The following FMNL1 variants were observed in gnomAD, a reference collection of about 807,000 sequenced individuals.
The protein encoded by FMNL1 is formin like 1.
In FMNL1, 43 loss-of-function variants were observed where a neutral mutation model predicts 121.3. The ratio of observed to expected loss-of-function variants is 0.35; its 90% CI spans 0.28 to 0.46. The LOEUF (loss-of-function observed/expected upper bound fraction) is 0.46. Ranked by LOEUF, FMNL1 falls within the 20% of genes least tolerant of loss-of-function variation. FMNL1 has a pLI of 1.00. For missense variants in FMNL1, 1,191 were observed against 1,482.4 expected (o/e 0.80, Z 3.23); for synonymous variants, 613 against 613.5 (o/e 1.00, Z 0.01).
Position 45,233,310 on chromosome 17 carries a change from T to C in FMNL1, c.401+13T>C. The C allele has an allele frequency of 1.3e-6, 2 of 1,554,496 alleles. No homozygotes were observed. The highest frequency in any genetic ancestry group is 1.7e-6 in the Non-Finnish European group (2 of 1,149,412). ...CCAACCACATTGGGTGAGTGAGGGC[T>C]CAGATCTTCCTCTCTGGGCCTAGGA... is the stretch of plus-strand genomic sequence containing the variant. On this transcript the variant is annotated intron_variant, in intron 4 of 26. Transcript: ENST00000331495. The surrounding 1 kb of genome is among the most constrained non-coding windows in gnomAD (Gnocchi z 4.1).
chr17:45,222,134 G>A lies in FMNL1; in HGVS notation c.10G>A (p.Ala4Thr), dbSNP rs886083105. The change falls in exon 1 of 27, where the codon GCG becomes ACG. Residue 4 changes from alanine to threonine, a missense_variant. Physicochemically the swap from Ala to Thr is moderately conservative, Grantham distance 58. Around this residue, in one of 4 missense-constraint regions of FMNL1, gnomAD observed 52 missense variants for 43.4 expected, o/e 1.20. Coordinates refer to ENST00000331495, the MANE Select transcript of FMNL1 (RefSeq NM_005892.4). ...CTGGGTGGGGACCACCATGGGCAAC[G>A]CGGCCGGCAGCGCCGAGCAGCCCGC... is the stretch of plus-strand genomic sequence containing the variant. The part of the protein sequence containing the change: MGN[A>T]AGSAEQPAGP... 1.8e-5 allele frequency: 21 copies of A among 1,174,888 alleles called. No homozygotes were observed. The highest frequency in any genetic ancestry group is 1.1e-4 in the African/African-American group (7 of 61,486). The allele number at this position is 1,174,888 out of a possible 1,614,324, so 72.8% of individuals were successfully genotyped here.
rs1287835959 is a variant in FMNL1, at chr17:45,233,112, C to A, written c.328-112C>A. 1.9e-6 allele frequency: 2 copies of A among 1,044,288 alleles called. No individual in the cohort carries two copies. Among genetic ancestry groups the A allele is most frequent in the Non-Finnish European group, 2.9e-6 (2 of 689,770 alleles). 64.7% of individuals were successfully genotyped at this position (1,044,288 alleles called of 1,614,324 possible). ...GGTGGGGGAGGCTGAGCATGAAAGG[C>A]CACTTGTGCCAGTTGGAGGAGGGTG... On this transcript the variant is annotated intron_variant, in intron 3 of 26. Transcript: ENST00000331495. This position sits in a 1 kb window ranked among gnomAD's most constrained non-coding sequence, Gnocchi z 4.1.
intron 2 of FMNL1, 114 bp downstream of exon 2, chr17:45,230,801 T>A: frequency 8.7e-7 from 1 of 1,152,222 alleles, no homozygotes; most frequent in Non-Finnish European, 1.2e-6. Flanking sequence ...GAGCCAAGAC[T>A]CTGCTCAGTG....
At position 45,233,142 on chromosome 17, in the gene FMNL1, C is replaced by T; in HGVS notation, c.328-82C>T. On this transcript the variant is annotated intron_variant, in intron 3 of 26. Transcript: ENST00000331495. The surrounding 1 kb of genome is among the most constrained non-coding windows in gnomAD (Gnocchi z 4.1). ...TGTGCCAGTTGGAGGAGGGTGGGCGCTGCTGCCTGCTGCCTCAGGACTTGG... is the reference window on the plus strand; with the variant it reads ...TGTGCCAGTTGGAGGAGGGTGGGCGTTGCTGCCTGCTGCCTCAGGACTTGG... The T allele has an allele frequency of 2.1e-6, 3 of 1,428,320 alleles. No individual in the cohort carries two copies. The highest frequency in any genetic ancestry group is 2.9e-6 in the Non-Finnish European group (3 of 1,036,352). The allele number at this position is 1,428,320 out of a possible 1,614,324, so 88.5% of individuals were successfully genotyped here.
Position 45,232,393 on chromosome 17 carries a change from C to G in FMNL1, c.240C>G (p.Pro80=). 3.1e-6 allele frequency: 5 copies of G among 1,613,790 alleles called. No homozygotes were observed. Among genetic ancestry groups the G allele is most frequent in the Non-Finnish European group, 3.4e-6 (4 of 1,179,898 alleles). ...DQERFQVKNP[P]AAYIQKLKSY... is the part of the protein sequence containing the mutation. The stretch of plus-strand genomic sequence containing the variant: ...AGCGGTTTCAAGTCAAGAATCCCCC[C>G]GCAGCCTACATCCAGAAGCTGAAGA... Residue 80 remains proline (P), a synonymous_variant, in exon 3 of 27, where the codon CCC becomes CCG. Coordinates refer to ENST00000331495, the MANE Select transcript of FMNL1 (RefSeq NM_005892.4).
At position 45,233,290 on chromosome 17, in the gene FMNL1, C is replaced by T. The variant is rs1170710748; in HGVS notation, c.394C>T (p.His132Tyr). 1.3e-6 allele frequency: 2 copies of T among 1,559,534 alleles called. No individual in the cohort carries two copies. The highest frequency in any genetic ancestry group is 2.7e-5 in the African/African-American group (2 of 73,810). The change falls in exon 4 of 27, where the codon CAC (histidine) becomes TAC (tyrosine). Residue 132 changes from histidine to tyrosine, a missense_variant. By Grantham distance (83) the His-to-Tyr change is moderately conservative. Around this residue, in one of 4 missense-constraint regions of FMNL1, gnomAD observed 253 missense variants for 417.5 expected, o/e 0.61. Transcript: ENST00000331495. This position sits in a 1 kb window ranked among gnomAD's most constrained non-coding sequence, Gnocchi z 4.1. ...RELETSLRTN[H>Y]IGWVQEFLNE... ...GCTGGAGACCTCCCTGAGGACCAAC[C>T]ACATTGGGTGAGTGAGGGCTCAGAT...
At chr17:45,246,436 G>A (rs1411268868) in intron 25 of FMNL1, 69 bp from the exon 26 acceptor site, 1 of 1,613,086 alleles carries the variant, frequency 6.2e-7, no homozygotes, top group Non-Finnish European at 8.5e-7. Context: ...ACTGCTTCTT[G>A]CTACCTTTTC....
chr17:45,246,536 C>T lies in FMNL1; in HGVS notation c.3243C>T (p.Thr1081=), dbSNP rs373728196. ...VIKTVPFTAR[T]GKRTSRLLCE... is the part of the protein sequence containing the mutation. ...AGACGGTGCCCTTCACGGCCCGCAC[C>T]GGCAAGCGGACATCCCGGCTCCTCT... Residue 1081 remains threonine (T), a synonymous_variant, in exon 26 of 27, where the codon ACC becomes ACT. Coordinates refer to ENST00000331495, the MANE Select transcript of FMNL1 (RefSeq NM_005892.4). 27 of 1,613,794 alleles carry T rather than the reference C, an allele frequency of 1.7e-5. No homozygotes were observed. The Middle Eastern group carries it at 6.6e-4, about 39-fold the overall frequency.
Position 45,244,814 on chromosome 17 carries a change from C to G in FMNL1, c.2518-5C>G, listed in dbSNP as rs1184666347. The G allele has an allele frequency of 1.9e-6, 3 of 1,609,616 alleles. No homozygotes were observed. Among genetic ancestry groups the G allele is most frequent in the African/African-American group, 1.3e-5 (1 of 74,738 alleles). On this transcript the variant is annotated splice_polypyrimidine_tract_variant and splice_region_variant and intron_variant, in intron 19 of 26. Coordinates refer to ENST00000331495, the MANE Select transcript of FMNL1 (RefSeq NM_005892.4). ...TCTGCTGAGCCTTTCTCCTGCCTCTCCCAGATTGTCCTGGCCTTTGGCAAC... is the reference window on the plus strand; with the variant it reads ...TCTGCTGAGCCTTTCTCCTGCCTCTGCCAGATTGTCCTGGCCTTTGGCAAC...
At position 45,241,252 on chromosome 17, in the gene FMNL1, G is replaced by C; in HGVS notation, c.1332+22G>C. The C allele has an allele frequency of 6.2e-7, 1 of 1,613,822 alleles. No individual in the cohort carries two copies. The highest frequency in any genetic ancestry group is 8.5e-7 in the Non-Finnish European group (1 of 1,179,918). Reference sequence around the variant, plus strand: ...GCGGGTGAGGCTGGGGCGGGTGGTAGGCCAGGCGCCCAAGAACAGGCCAGC... The same window carrying C: ...GCGGGTGAGGCTGGGGCGGGTGGTACGCCAGGCGCCCAAGAACAGGCCAGC... On this transcript the variant is annotated intron_variant, in intron 13 of 26. Coordinates refer to ENST00000331495, the MANE Select transcript of FMNL1 (RefSeq NM_005892.4). The surrounding 1 kb of genome is among the most constrained non-coding windows in gnomAD (Gnocchi z 7.0).
intron 1 of FMNL1, among the ~76,000 whole-genome samples, chr17:45,223,047 T>G (rs1300607974): frequency 6.6e-6 from 1 of 151,860 alleles, no homozygotes; most frequent in Non-Finnish European, 1.5e-5. Context: ...CAGAGCAGAC[T>G]CAGGGGTCTC....
chr17:45,246,202 C>A lies in FMNL1; in HGVS notation c.3091-8C>A, dbSNP rs545433512. ...CATCCTGGAGCTGGAGCTATAAATTCCCCCTAGTCACCGCCAAAGGCCCGG... is the reference window on the plus strand; with the variant it reads ...CATCCTGGAGCTGGAGCTATAAATTACCCCTAGTCACCGCCAAAGGCCCGG... On this transcript the variant is annotated splice_region_variant and splice_polypyrimidine_tract_variant and intron_variant, in intron 24 of 26. Coordinates refer to ENST00000331495, the MANE Select transcript of FMNL1 (RefSeq NM_005892.4). 3.7e-6 allele frequency: 6 copies of A among 1,601,676 alleles called. No homozygotes were observed. In the Admixed American group the frequency reaches 8.5e-5, roughly 23 times the overall value.
intron 1 of FMNL1, among the ~76,000 whole-genome samples, chr17:45,225,850 G>A (rs534322633): frequency 3.0e-4 from 45 of 152,286 alleles, no homozygotes; most frequent in African/African-American, 9.9e-4. Flanking sequence ...CCTGTAAAAA[G>A]AGAATAATAA....
At chr17:45,244,364 GAGA>G in intron 19 of FMNL1, 120 bp downstream of exon 19, 4 of 1,275,098 alleles carry the variant, frequency 3.1e-6, no homozygotes, top group Non-Finnish European at 4.4e-6. Context: ...TGTACATGCT[GAGA>G]AGGACAAATC....
intron 24 of FMNL1, 39 bp downstream of exon 24, chr17:45,246,012 G>A (rs1425600685): frequency 4.2e-5 from 64 of 1,521,264 alleles, no homozygotes; most frequent in Non-Finnish European, 5.3e-5. Context: ...GGGCTGCAGG[G>A]ATGCATGGCA....
rs1247085318 is a variant in FMNL1 at position 45,241,138 on chromosome 17, C to T, written c.1240C>T (p.Arg414Trp). The change falls in exon 13 of 27, where the codon CGG becomes TGG. Residue 414 changes from arginine (R) to tryptophan (W), a missense_variant. By Grantham distance (101) the Arg-to-Trp change is moderately radical (BLOSUM62 -3). Transcript: ENST00000331495. This position sits in a 1 kb window ranked among gnomAD's most constrained non-coding sequence, Gnocchi z 7.0. ...LQEQVALLTE[R>W]LRDAENESMA... The stretch of plus-strand genomic sequence containing the variant: ...TGTGCTGGTGCTACAGCTGACAGAG[C>T]GGCTTCGGGACGCGGAGAACGAATC... The T allele has an allele frequency of 7.4e-6, 12 of 1,614,000 alleles. No homozygotes were observed. Among genetic ancestry groups the T allele is most frequent in the Non-Finnish European group, 1.0e-5 (12 of 1,179,970 alleles).
chr17:45,227,924 A>C (rs1420070292), intron 1 of FMNL1, among the ~76,000 whole-genome samples: 2 of 152,104 alleles, frequency 1.3e-5, no homozygotes, highest in African/African-American at 2.4e-5. Flanking sequence ...CAGGTCCTCC[A>C]TGTGGCAGCT....
chr17:45,233,300 G>T lies in FMNL1; in HGVS notation c.401+3G>T. The T allele has an allele frequency of 6.4e-7, 1 of 1,557,174 alleles. No individual in the cohort carries two copies. Among genetic ancestry groups the T allele is most frequent in the South Asian group, 1.2e-5 (1 of 84,486 alleles). ...TCCCTGAGGACCAACCACATTGGGT[G>T]AGTGAGGGCTCAGATCTTCCTCTCT... On this transcript the variant is annotated splice_donor_region_variant and intron_variant, in intron 4 of 26. Coordinates refer to ENST00000331495, the MANE Select transcript of FMNL1 (RefSeq NM_005892.4). The surrounding 1 kb of genome is among the most constrained non-coding windows in gnomAD (Gnocchi z 4.1).
At position 45,232,359 on chromosome 17, in the gene FMNL1, C is replaced by T. The variant is rs772152202; in HGVS notation, c.214-8C>T. On this transcript the variant is annotated splice_polypyrimidine_tract_variant and splice_region_variant and intron_variant, in intron 2 of 26. Transcript: ENST00000331495. ...TGGTTTTCTGTACACCCCATTCCAT[C>T]TCCCCAGGAGCGGTTTCAAGTCAAG... The T allele has an allele frequency of 1.9e-6, 3 of 1,613,388 alleles. No individual in the cohort carries two copies. The South Asian group carries it at 3.3e-5, about 18-fold the overall frequency.
Sources: allele counts gnomAD v4.1 joint callset (sites outside exome capture counted in the v4.1 genomes callset), GRCh38; gene constraint gnomAD v4.1.1; regional missense constraint gnomAD v4.1.1; non-coding constraint Gnocchi (gnomAD v3.1); transcripts MANE v1.5; gene names NCBI Gene and HGNC (gene_info 2026-07-23, HGNC 2026-07-21).